Variants in GPC5 observed in about 807,000 individuals in gnomAD.
GPC5 encodes the protein glypican-5.
GPC5 carries 47 observed loss-of-function variants against 53.9 expected under a neutral mutation model. That is an observed-to-expected ratio of 0.87 (90% CI 0.69 to 1.11). The LOEUF (loss-of-function observed/expected upper bound fraction) is 1.11. Ranked by LOEUF, GPC5 falls within the 50% of genes most tolerant of loss-of-function variation. The pLI is 0.00. For missense variants in GPC5, 748 were observed against 713.1 expected, an observed-to-expected ratio of 1.05 and a Z score of -0.56; for synonymous variants, 286 against 263.3, an observed-to-expected ratio of 1.09 and a Z score of -0.84.
intron 6 of GPC5, among the ~76,000 whole-genome samples, chr13:92,003,924 C>T (rs1379777514): frequency 6.6e-6 from 1 of 152,156 alleles, no homozygotes; most frequent in African/African-American, 2.4e-5. Context: ...CTCTTATAAT[C>T]TCTCACTGCT....
intron 6 of GPC5, among the ~76,000 whole-genome samples, chr13:91,939,725 G>A (rs991440562): frequency 6.6e-6 from 1 of 152,112 alleles, no homozygotes; most frequent in South Asian, 2.1e-4. Context: ...GACTTCAGAA[G>A]ATTAGACCAC....
intron 1 of GPC5, among the ~76,000 whole-genome samples, chr13:91,416,955 C>T (rs941404470): frequency 5.3e-5 from 8 of 152,076 alleles, no homozygotes; most frequent in African/African-American, 1.9e-4. Context: ...TTTGACTTAG[C>T]CCGCCTTTTA....
intron 6 of GPC5, among the ~76,000 whole-genome samples, chr13:91,925,741 G>T (rs181083101): frequency 1.6e-4 from 25 of 152,184 alleles, no homozygotes; most frequent in Middle Eastern, 6.8e-3. Flanking sequence ...AAACGAAAAA[G>T]CATCTCTATA....
intron 7 of GPC5, among the ~76,000 whole-genome samples, chr13:92,489,314 C>T (rs1879673365): frequency 6.6e-6 from 1 of 152,132 alleles, no homozygotes; most frequent in African/African-American, 2.4e-5. Context: ...GTCTTCGTTG[C>T]TAGAGATACA....
chr13:92,121,391 G>A (rs2041647916), intron 6 of GPC5, among the ~76,000 whole-genome samples: 1 of 152,268 alleles, frequency 6.6e-6, no homozygotes, highest in African/African-American at 2.4e-5. Flanking sequence ...ACAAACAATT[G>A]CTGAATTAAT....
At chr13:91,776,198 G>A (rs572638174) in intron 5 of GPC5, among the ~76,000 whole-genome samples, 1 of 152,272 alleles carries the variant, frequency 6.6e-6, no homozygotes, top group Admixed American at 6.5e-5. Flanking sequence ...GGGTGCAGCA[G>A]CACTGTGGGT....
At chr13:92,452,757 C>T (rs1878115278) in intron 7 of GPC5, among the ~76,000 whole-genome samples, 3 of 152,178 alleles carry the variant, frequency 2.0e-5, no homozygotes, top group South Asian at 4.1e-4. Context: ...TTAGTGGTGA[C>T]GGGGTTTCAC....
intron 7 of GPC5, among the ~76,000 whole-genome samples, chr13:92,272,956 G>A (rs543699938): frequency 6.6e-5 from 10 of 152,198 alleles, no homozygotes; most frequent in African/African-American, 1.9e-4. Flanking sequence ...GAAAATGAGC[G>A]ATGAGAGAGT....
intron 7 of GPC5, among the ~76,000 whole-genome samples, chr13:92,802,498 C>T (rs528093651): frequency 2.6e-5 from 4 of 151,918 alleles, no homozygotes; most frequent in Admixed American, 6.6e-5. Context: ...CACATGCACA[C>T]GTACGTTTAT....
At chr13:92,166,900 C>G (rs1024389236) in intron 7 of GPC5, among the ~76,000 whole-genome samples, 2 of 146,424 alleles carry the variant, frequency 1.4e-5, no homozygotes. Flanking sequence ...GATCTGTATC[C>G]AAAATAAGGC....
chr13:91,578,484 G>A lies in GPC5; in HGVS notation c.326-114703G>A, dbSNP rs79278232. On this transcript the variant is annotated intron_variant, in intron 2 of 7. Coordinates refer to ENST00000377067, the MANE Select transcript of GPC5 (RefSeq NM_004466.6). ...GAAGAGAGTTATTGGTAATTTCCCA[G>A]GATGTTCTTGAAGAGAAGTTTGATT... Among the ~76,000 whole-genome samples, 934 of 152,158 alleles carry A rather than the reference G, an allele frequency of 6.1e-3. 9 individuals carry two copies. The highest frequency in any genetic ancestry group is 0.022 in the African/African-American group (901 of 41,494).
intron 7 of GPC5, among the ~76,000 whole-genome samples, chr13:92,352,885 T>G (rs1237915359): frequency 2.0e-5 from 3 of 152,188 alleles, no homozygotes; most frequent in Non-Finnish European, 4.4e-5. Flanking sequence ...TACACCTGTT[T>G]GCAAAATAAG....
intron 7 of GPC5, among the ~76,000 whole-genome samples, chr13:92,227,478 TC>T (rs1267866017): frequency 6.6e-6 from 1 of 152,162 alleles, no homozygotes; most frequent in African/African-American, 2.4e-5. Flanking sequence ...TCCTGTCTCG[TC>T]AAGGGTGTGT....
intron 2 of GPC5, among the ~76,000 whole-genome samples, chr13:91,570,223 T>C (rs755659961): frequency 2.0e-5 from 3 of 152,222 alleles, no homozygotes; most frequent in Non-Finnish European, 4.4e-5. Flanking sequence ...ATTGAGATTA[T>C]GCATTTAAAA....
chr13:92,281,406 T>C (rs2042914763), intron 7 of GPC5, among the ~76,000 whole-genome samples: 1 of 152,176 alleles, frequency 6.6e-6, no homozygotes. Context: ...GTAGTGGTTC[T>C]CCCAGCACAG....
intron 2 of GPC5, among the ~76,000 whole-genome samples, chr13:91,579,624 C>CTTTTTTT (rs3055895): frequency 5.1e-4 from 52 of 102,600 alleles, no homozygotes; most frequent in Non-Finnish European, 6.6e-4. Flanking sequence ...TTTTCTTTTT[C>CTTTTTTT]TTTTTTTTTT....
At chr13:91,521,558 A>T (rs1249781605) in intron 2 of GPC5, among the ~76,000 whole-genome samples, 2 of 152,220 alleles carry the variant, frequency 1.3e-5, no homozygotes, top group African/African-American at 4.8e-5. Context: ...TAACAATGAC[A>T]TTTAACTTAA....
At chr13:92,177,892 A>G (rs1311411838) in intron 7 of GPC5, among the ~76,000 whole-genome samples, 1 of 152,192 alleles carries the variant, frequency 6.6e-6, no homozygotes, top group Non-Finnish European at 1.5e-5. Context: ...CAGTTCAGGC[A>G]TTATATATAA....
intron 7 of GPC5, among the ~76,000 whole-genome samples, chr13:92,467,557 A>G (rs1279493384): frequency 6.6e-6 from 1 of 152,124 alleles, no homozygotes; most frequent in East Asian, 1.9e-4. Context: ...TTACAGACAT[A>G]CACACAAAGA....
Sources: gnomAD v4.1 joint callset for allele counts (sites outside exome capture counted in the v4.1 genomes callset) on GRCh38, gnomAD v4.1.1 for gene constraint, MANE v1.5 for transcripts, NCBI Gene and HGNC (gene_info 2026-07-23, HGNC 2026-07-21) for gene names.